AGBL4: variants seen among roughly 807,000 people sequenced by gnomAD.
AGBL4 encodes the protein cytosolic carboxypeptidase 6.
AGBL4 carries 58 observed loss-of-function variants against 66.4 expected under a neutral mutation model. That is an observed-to-expected ratio of 0.87 (90% CI 0.71 to 1.09). The LOEUF is 1.09. Among genes scored for constraint, AGBL4 ranks in the 50% least tolerant of loss-of-function variants. AGBL4 has a pLI of 0.00. For missense variants in AGBL4, 579 were observed against 631.0 expected (o/e 0.92, Z 0.88); for synonymous variants, 234 against 222.9 (o/e 1.05, Z -0.44).
At chr1:49,804,033 G>A (rs1644921998) in intron 2 of AGBL4, among the ~76,000 whole-genome samples, 1 of 152,172 alleles carries the variant, frequency 6.6e-6, no homozygotes, top group Non-Finnish European at 1.5e-5. Flanking sequence ...TAAAAATACA[G>A]TGTTGATGAA....
At chr1:48,718,201 G>T (rs1401714576) in intron 6 of AGBL4, among the ~76,000 whole-genome samples, 3 of 152,184 alleles carry the variant, frequency 2.0e-5, no homozygotes, top group Non-Finnish European at 2.9e-5. Flanking sequence ...GGTTTTGATT[G>T]GCCAACACTG....
intron 9 of AGBL4, among the ~76,000 whole-genome samples, chr1:48,622,968 C>G (rs528709124): frequency 4.6e-5 from 7 of 152,256 alleles, no homozygotes; most frequent in South Asian, 4.1e-4. Context: ...ATTGAGTCAA[C>G]GTTGAATTGA....
intron 3 of AGBL4, among the ~76,000 whole-genome samples, chr1:49,480,191 A>C (rs1646927719): frequency 6.6e-6 from 1 of 152,042 alleles, no homozygotes; most frequent in African/African-American, 2.4e-5. Flanking sequence ...TTCTCTCTTT[A>C]GGTCTTTGAG....
At position 49,020,638 on chromosome 1, in the gene AGBL4, G is replaced by T. The variant is rs74428736; in HGVS notation, c.594+24946C>A. Among the ~76,000 whole-genome samples, 389 of 152,230 alleles carry T rather than the reference G, an allele frequency of 2.6e-3. 1 individual carries two copies. The highest frequency in any genetic ancestry group is 9.1e-3 in the African/African-American group (376 of 41,546). ...GGGCTTCCTAGTTCTTAGCAAGGGT[G>T]AGCCTGAGGTAAGGGCAGCCAGATG... is the stretch of plus-strand genomic sequence containing the variant. On this transcript the variant is annotated intron_variant, in intron 5 of 13. Transcript: ENST00000371839.
intron 2 of AGBL4, among the ~76,000 whole-genome samples, chr1:49,793,477 T>C (rs955228203): frequency 6.6e-6 from 1 of 151,972 alleles, no homozygotes; most frequent in Non-Finnish European, 1.5e-5. Context: ...AAGAAAAGCA[T>C]ACAGACTGCT....
At chr1:49,036,724 A>C (rs899335944) in intron 5 of AGBL4, among the ~76,000 whole-genome samples, 1 of 139,368 alleles carries the variant, frequency 7.2e-6, no homozygotes, top group African/African-American at 2.7e-5. Flanking sequence ...TGCTCAGCTA[A>C]TTTTTTTTTT....
intron 2 of AGBL4, among the ~76,000 whole-genome samples, chr1:49,717,862 T>A: frequency 6.6e-6 from 1 of 152,126 alleles, no homozygotes; most frequent in Middle Eastern, 3.4e-3. Flanking sequence ...TGAGGTAATA[T>A]ATTAAAGCTC....
At chr1:49,037,022 G>A (rs1001919006) in intron 5 of AGBL4, among the ~76,000 whole-genome samples, 12 of 151,866 alleles carry the variant, frequency 7.9e-5, no homozygotes, top group South Asian at 6.2e-4. Context: ...GAAGTTTCTC[G>A]AACGTTAAAA....
At chr1:49,582,863 T>C (rs1644571586) in intron 3 of AGBL4, among the ~76,000 whole-genome samples, 1 of 152,176 alleles carries the variant, frequency 6.6e-6, no homozygotes, top group Non-Finnish European at 1.5e-5. Flanking sequence ...AATTTTTCAG[T>C]AACATTTTCC....
At chr1:48,961,415 A>G (rs1557504499) in intron 5 of AGBL4, among the ~76,000 whole-genome samples, 1 of 152,210 alleles carries the variant, frequency 6.6e-6, no homozygotes, top group Non-Finnish European at 1.5e-5. Context: ...GATTTTCACA[A>G]TATGCTTCTT....
chr1:48,900,869 A>G (rs1010764631), intron 5 of AGBL4, among the ~76,000 whole-genome samples: 1 of 152,222 alleles, frequency 6.6e-6, no homozygotes, highest in Non-Finnish European at 1.5e-5. Context: ...TCCATAAAAG[A>G]GCAAATTGAT....
intron 3 of AGBL4, among the ~76,000 whole-genome samples, chr1:49,535,970 C>T (rs780895502): frequency 1.3e-5 from 2 of 152,180 alleles, no homozygotes; most frequent in African/African-American, 2.4e-5. Flanking sequence ...GGATTACAGG[C>T]GTGAGCCACC....
intron 2 of AGBL4, among the ~76,000 whole-genome samples, chr1:49,739,239 C>T (rs145511743): frequency 1.4e-3 from 215 of 152,132 alleles, no homozygotes; most frequent in African/African-American, 4.5e-3. Context: ...AACCATGGCA[C>T]GAGAACTACA....
intron 3 of AGBL4, among the ~76,000 whole-genome samples, chr1:49,372,669 T>TTCTTTCTTTCTTTC (rs1644387219): frequency 1.5e-5 from 1 of 68,072 alleles, no homozygotes; most frequent in Non-Finnish European, 3.2e-5. Flanking sequence ...CTTTCTTTCT[T>TTCTTTCTTTCTTTC]TCTTTCTTTC....
chr1:48,739,960 G>A (rs780906672), intron 6 of AGBL4, among the ~76,000 whole-genome samples: 5 of 152,328 alleles, frequency 3.3e-5, no homozygotes, highest in African/African-American at 1.2e-4. Context: ...CACAGTACAT[G>A]TCAGTGGGGA....
chr1:49,898,628 G>A (rs916402985), intron 1 of AGBL4, among the ~76,000 whole-genome samples: 2 of 151,374 alleles, frequency 1.3e-5, no homozygotes, highest in Non-Finnish European at 3.0e-5. Flanking sequence ...ATACGCAAAG[G>A]AAAAAAAATC....
chr1:49,258,957 C>T (rs1159039138), intron 3 of AGBL4, among the ~76,000 whole-genome samples: 1 of 152,192 alleles, frequency 6.6e-6, no homozygotes, highest in African/African-American at 2.4e-5. Context: ...GAGCGGATCT[C>T]TCAGCAGAAA....
At chr1:48,719,557 G>GAACC (rs1647110488) in intron 6 of AGBL4, among the ~76,000 whole-genome samples, 1 of 152,102 alleles carries the variant, frequency 6.6e-6, no homozygotes, top group African/African-American at 2.4e-5. Context: ...GCTCAGCCTG[G>GAACC]AACCAAGGCC....
chr1:49,718,173 G>C (rs1648308267), intron 2 of AGBL4, among the ~76,000 whole-genome samples: 1 of 152,012 alleles, frequency 6.6e-6, no homozygotes, highest in Non-Finnish European at 1.5e-5. Flanking sequence ...GGTCATAAGG[G>C]AGGATCTTTC....
Sources: gnomAD v4.1 joint callset for allele counts (sites outside exome capture counted in the v4.1 genomes callset) on GRCh38, gnomAD v4.1.1 for gene constraint, MANE v1.5 for transcripts, NCBI Gene and HGNC (gene_info 2026-07-23, HGNC 2026-07-21) for gene names.